ADD2: variants seen among roughly 807,000 people sequenced by gnomAD.
ADD2 encodes the protein beta-adducin.
In ADD2, 23 loss-of-function variants were observed where a neutral mutation model predicts 83.0. That is an observed-to-expected ratio of 0.28 (90% CI 0.20 to 0.39). ADD2 has a LOEUF of 0.39. ADD2 is among the 10% of genes least tolerant of loss of function. The pLI is 1.00. For synonymous variants in ADD2, 375 were observed against 375.4 expected, an observed-to-expected ratio of 1.00 and a Z score of 0.01; for missense variants, 758 against 944.9, an observed-to-expected ratio of 0.80 and a Z score of 2.59.
At chr2:70,761,358 C>T (rs1362337967) in intron 1 of ADD2, among the ~76,000 whole-genome samples, 1 of 151,568 alleles carries the variant, frequency 6.6e-6, no homozygotes, top group Non-Finnish European at 1.5e-5. Context: ...CCTGTAATCC[C>T]AGCACTTTGG....
At position 70,718,993 on chromosome 2, in the gene ADD2, C is replaced by T. The variant is rs190938610; in HGVS notation, c.-153-5809G>A. Among the ~76,000 whole-genome samples the T allele has an allele frequency of 1.6e-3, 239 of 152,300 alleles. 2 individuals carry two copies. Among genetic ancestry groups the T allele is most frequent in the African/African-American group, 5.3e-3 (220 of 41,560 alleles). The stretch of plus-strand genomic sequence containing the variant: ...GATTCTACTTCCTATTTCTGGCATG[C>T]GGGGCTCAGAACCAAGCTCTTCCCC... On this transcript the variant is annotated intron_variant, in intron 1 of 15. Coordinates refer to ENST00000264436, the MANE Select transcript of ADD2 (RefSeq NM_001617.4).
At chr2:70,715,817 C>CCCT (rs1485032449) in intron 1 of ADD2, among the ~76,000 whole-genome samples, 8 of 151,746 alleles carry the variant, frequency 5.3e-5, no homozygotes, top group Non-Finnish European at 7.4e-5. Flanking sequence ...CACCTTGACT[C>CCCT]CCTCTTTTTG....
chr2:70,723,366 T>C (rs766403086), intron 1 of ADD2, among the ~76,000 whole-genome samples: 2 of 151,186 alleles, frequency 1.3e-5, no homozygotes, highest in African/African-American at 4.9e-5. Context: ...ATTCCTCATA[T>C]GGATTCTTAA....
chr2:70,698,147 G>C (rs558177814), intron 4 of ADD2, among the ~76,000 whole-genome samples: 3 of 152,350 alleles, frequency 2.0e-5, no homozygotes, highest in African/African-American at 7.2e-5. Context: ...AAGGTGGGCA[G>C]GTGGGGCTGA....
chr2:70,753,517 C>A (rs1282579778), intron 1 of ADD2, among the ~76,000 whole-genome samples: 1 of 151,896 alleles, frequency 6.6e-6, no homozygotes, highest in Non-Finnish European at 1.5e-5. Flanking sequence ...GGTCCCAGAG[C>A]CCAGAAGAAA....
intron 15 of ADD2, among the ~76,000 whole-genome samples, chr2:70,670,039 G>A (rs1358842932): frequency 1.3e-5 from 2 of 152,106 alleles, no homozygotes; most frequent in Non-Finnish European, 2.9e-5. Context: ...ACATCAATTA[G>A]AAATCATCCA....
intron 1 of ADD2, among the ~76,000 whole-genome samples, chr2:70,757,659 G>T (rs760376922): frequency 6.6e-6 from 1 of 152,132 alleles, no homozygotes; most frequent in African/African-American, 2.4e-5. Flanking sequence ...CTGACATGAG[G>T]AAAGCAGGAA....
chr2:70,711,169 G>A (rs782436572), intron 2 of ADD2: 17 of 152,172 alleles, frequency 1.1e-4, no homozygotes, highest in Non-Finnish European at 2.4e-4. Flanking sequence ...AGCGTGTGAT[G>A]AGCCAGGTAT....
At chr2:70,730,384 A>AG (rs1449611107) in intron 1 of ADD2, among the ~76,000 whole-genome samples, 5 of 152,248 alleles carry the variant, frequency 3.3e-5, no homozygotes, top group African/African-American at 4.8e-5. Context: ...AGTCACACAG[A>AG]TGCATGCAAG....
chr2:70,718,462 C>A (rs2104429333), intron 1 of ADD2, among the ~76,000 whole-genome samples: 1 of 152,280 alleles, frequency 6.6e-6, no homozygotes, highest in Admixed American at 6.5e-5. Flanking sequence ...ATGTAATTAA[C>A]TGTTAAGGGC....
chr2:70,728,170 G>C (rs1490237835), intron 1 of ADD2, among the ~76,000 whole-genome samples: 1 of 152,180 alleles, frequency 6.6e-6, no homozygotes, highest in Non-Finnish European at 1.5e-5. Context: ...AGGAGCTTCT[G>C]CTGGTCACTC....
intron 1 of ADD2, among the ~76,000 whole-genome samples, chr2:70,716,760 A>C (rs1672490634): frequency 6.6e-6 from 1 of 152,162 alleles, no homozygotes; most frequent in African/African-American, 2.4e-5. Flanking sequence ...ACAGACCCTG[A>C]AGGGTAAGGT....
Position 70,767,912 on chromosome 2 carries a change from C to A in ADD2, c.-180G>T, listed in dbSNP as rs1675492087. 6.5e-7 allele frequency: 1 copy of A among 1,535,974 alleles called. No homozygotes were observed. Among genetic ancestry groups the A allele is most frequent in the Non-Finnish European group, 8.7e-7 (1 of 1,146,814 alleles). On this transcript the variant is annotated 5_prime_UTR_variant, in exon 1 of 16. Transcript: ENST00000264436. ...TCCTGCGCGGCATCTTAGCTATCTC[C>A]GGTCGGCCACTGCGGGTTGGTTTTG...
intron 1 of ADD2, among the ~76,000 whole-genome samples, chr2:70,751,584 C>G (rs1266401918): frequency 6.6e-6 from 1 of 152,164 alleles, no homozygotes; most frequent in Non-Finnish European, 1.5e-5. Flanking sequence ...ATTCACATTA[C>G]AAAAGATGTC....
intron 1 of ADD2, among the ~76,000 whole-genome samples, chr2:70,748,046 G>GA (rs1674319567): frequency 6.6e-6 from 1 of 151,962 alleles, no homozygotes; most frequent in Admixed American, 6.6e-5. Flanking sequence ...TTGCTGATAG[G>GA]AAAAACAAGT....
In ADD2 at chr2:70,690,924, C is replaced by T. The variant is rs782694329; in HGVS notation, c.711G>A (p.Ser237=). 1.2e-5 allele frequency: 19 copies of T among 1,611,350 alleles called. No individual in the cohort carries two copies. The highest frequency in any genetic ancestry group is 6.7e-5 in the Admixed American group (4 of 59,756). Residue 237 remains serine (S), a synonymous_variant, in exon 8 of 16, where the codon TCG becomes TCA. Transcript: ENST00000264436. ...CAGGCAGGAGGCCCCACTTCATGGC[C>T]GACACCTTAGAGAGACAATGGCATG... ...HLHTPATAAV[S]AMKWGLLPVS...
At chr2:70,717,952 A>G (rs1226055794) in intron 1 of ADD2, among the ~76,000 whole-genome samples, 3 of 152,234 alleles carry the variant, frequency 2.0e-5, no homozygotes, top group African/African-American at 4.8e-5. Flanking sequence ...GAAAAGAAGA[A>G]AGAGAGAAAG....
intron 15 of ADD2, among the ~76,000 whole-genome samples, chr2:70,664,770 T>G (rs1453846858): frequency 8.0e-6 from 1 of 124,510 alleles, no homozygotes; most frequent in African/African-American, 3.0e-5. Context: ...GGTGTGCAAG[T>G]GTGAGTGGGC....
chr2:70,737,046 A>G (rs1222806051), intron 1 of ADD2, among the ~76,000 whole-genome samples: 1 of 152,112 alleles, frequency 6.6e-6, no homozygotes, highest in African/African-American at 2.4e-5. Flanking sequence ...CACCAGTTAG[A>G]ATGGCGATCA....
Sources: gnomAD v4.1 joint callset for allele counts (sites outside exome capture counted in the v4.1 genomes callset) on GRCh38, gnomAD v4.1.1 for gene constraint, MANE v1.5 for transcripts, NCBI Gene and HGNC (gene_info 2026-07-23, HGNC 2026-07-21) for gene names.